CSMD2: variants seen among roughly 807,000 people sequenced by gnomAD.
CSMD2 encodes the protein CUB and sushi domain-containing protein 2.
A neutral mutation model predicts 398.5 loss-of-function variants in CSMD2; 130 were observed. That is an observed-to-expected ratio of 0.33 (90% CI 0.28 to 0.38). The LOEUF (loss-of-function observed/expected upper bound fraction) is 0.38. CSMD2 is among the 10% of genes least tolerant of loss of function. The probability of loss-of-function intolerance (pLI) is 1.00; values close to 1 mark genes in which losing one functional copy is unlikely to be tolerated. For synonymous variants in CSMD2, 1,828 were observed against 1,908.5 expected, an observed-to-expected ratio of 0.96 and a Z score of 1.10; for missense variants, 3,829 against 4,764.9, an observed-to-expected ratio of 0.80 and a Z score of 5.78.
chr1:33,813,187 G>A (rs1657055467), intron 9 of CSMD2: 1 of 152,224 alleles, frequency 6.6e-6, no homozygotes, highest in Non-Finnish European at 1.5e-5. Context: ...GAAACATGCT[G>A]AAGGTAATGA....
intron 1 of CSMD2, among the ~76,000 whole-genome samples, chr1:34,111,571 C>T (rs1390766176): frequency 6.6e-6 from 1 of 152,190 alleles, no homozygotes; most frequent in African/African-American, 2.4e-5. Context: ...TTGGTCCTTG[C>T]GTTATTTCTG....
chr1:33,640,629 T>C (rs1181994755), intron 29 of CSMD2, among the ~76,000 whole-genome samples: 1 of 152,196 alleles, frequency 6.6e-6, no homozygotes, highest in African/African-American at 2.4e-5. Flanking sequence ...ATACAGACTT[T>C]ACATTACTTT....
chr1:33,634,122 T>G (rs1332036276), intron 31 of CSMD2, among the ~76,000 whole-genome samples: 1 of 152,212 alleles, frequency 6.6e-6, no homozygotes, highest in East Asian at 1.9e-4. Flanking sequence ...CCTGCAGGTC[T>G]GAGGCCCCTG....
intron 12 of CSMD2, among the ~76,000 whole-genome samples, chr1:33,785,584 G>A (rs1055397132): frequency 6.6e-6 from 1 of 152,192 alleles, no homozygotes; most frequent in Admixed American, 6.5e-5. Flanking sequence ...TCAAGCCAGT[G>A]GTTAGCTATG....
intron 1 of CSMD2, among the ~76,000 whole-genome samples, chr1:34,145,378 C>T (rs985071245): frequency 5.3e-5 from 8 of 152,220 alleles, no homozygotes; most frequent in African/African-American, 1.9e-4. Context: ...ATGCCTGCTT[C>T]TTTGAGTGGC....
At chr1:33,947,606 T>C (rs1644877760) in intron 3 of CSMD2, among the ~76,000 whole-genome samples, 1 of 152,088 alleles carries the variant, frequency 6.6e-6, no homozygotes, top group Non-Finnish European at 1.5e-5. Flanking sequence ...CAAGAAGAGT[T>C]AGACAGAGGG....
intron 37 of CSMD2, among the ~76,000 whole-genome samples, chr1:33,621,886 A>C (rs1203087369): frequency 1.3e-5 from 2 of 152,226 alleles, no homozygotes; most frequent in Non-Finnish European, 2.9e-5. Context: ...CTTACATCCC[A>C]ATTATATACT....
intron 25 of CSMD2, among the ~76,000 whole-genome samples, chr1:33,687,577 T>C (rs1164091885): frequency 2.6e-5 from 4 of 152,028 alleles, no homozygotes; most frequent in African/African-American, 7.2e-5. Flanking sequence ...AAAAGCAATA[T>C]AGAAGCATAA....
chr1:33,524,998 T>A lies in CSMD2; in HGVS notation c.10280A>T (p.Tyr3427Phe). The change falls in exon 66 of 71, where the codon TAT becomes TTT. Residue 3427 changes from tyrosine (Y) to phenylalanine (F), a missense_variant. Transcript: ENST00000373381. ...TGGCTGCTTCTTCCCCTGGTATTCA[T>A]AGGCCCCTTTCCACAGGGAATTCTT... ...FAKNSLWKGAYEYQGKKQPAM... is the reference protein window; with the variant it reads ...FAKNSLWKGAFEYQGKKQPAM... The A allele has an allele frequency of 6.2e-7, 1 of 1,614,240 alleles. No homozygotes were observed. Among genetic ancestry groups the A allele is most frequent in the Non-Finnish European group, 8.5e-7 (1 of 1,180,036 alleles).
intron 2 of CSMD2, among the ~76,000 whole-genome samples, chr1:34,062,092 G>A (rs1325941429): frequency 6.6e-6 from 1 of 152,182 alleles, no homozygotes; most frequent in Non-Finnish European, 1.5e-5. Flanking sequence ...AGTCCAGCAG[G>A]ATACATGTGG....
Position 33,572,492 on chromosome 1 carries a change from G to A in CSMD2, c.7762+14C>T. 1 of 1,561,044 alleles carries A rather than the reference G, an allele frequency of 6.4e-7. No individual in the cohort carries two copies. The highest frequency in any genetic ancestry group is 1.2e-5 in the South Asian group (1 of 84,828). ...GCCCTTCCTTACACCCGCCTCCATT[G>A]CCCGAGGACTCACGGACACACTGTG... On this transcript the variant is annotated intron_variant, in intron 50 of 70. Coordinates refer to ENST00000373381, the MANE Select transcript of CSMD2 (RefSeq NM_001281956.2).
chr1:33,629,886 G>A (rs1271384031), intron 32 of CSMD2, among the ~76,000 whole-genome samples: 2 of 152,032 alleles, frequency 1.3e-5, no homozygotes, highest in Non-Finnish European at 2.9e-5. Flanking sequence ...GGGATTACAG[G>A]CACCCACGAC....
At chr1:33,902,908 G>A in intron 5 of CSMD2, among the ~76,000 whole-genome samples, 1 of 152,266 alleles carries the variant, frequency 6.6e-6, no homozygotes. Flanking sequence ...CTCCTGGTGG[G>A]ACAGGTTGCT....
chr1:34,049,697 G>A (rs766611050), intron 2 of CSMD2, among the ~76,000 whole-genome samples: 3 of 152,150 alleles, frequency 2.0e-5, no homozygotes, highest in African/African-American at 7.2e-5. Context: ...AAACAAGTGA[G>A]GTATCACTTC....
chr1:33,740,183 C>T (rs1376130660), intron 14 of CSMD2, among the ~76,000 whole-genome samples: 3 of 152,122 alleles, frequency 2.0e-5, no homozygotes, highest in African/African-American at 7.2e-5. Flanking sequence ...TCCTTCTTCC[C>T]TCCTCTGCAT....
At chr1:33,754,327 G>T (rs1263873433) in intron 13 of CSMD2, among the ~76,000 whole-genome samples, 1 of 152,052 alleles carries the variant, frequency 6.6e-6, no homozygotes, top group Non-Finnish European at 1.5e-5. Context: ...AAAGAATGTG[G>T]TACCTATCAC....
intron 5 of CSMD2, among the ~76,000 whole-genome samples, chr1:33,887,110 G>GT (rs1319178921): frequency 6.6e-6 from 1 of 151,960 alleles, no homozygotes; most frequent in Non-Finnish European, 1.5e-5. Flanking sequence ...TAAAAGGTCT[G>GT]TTTCCTCGGA....
intron 1 of CSMD2, among the ~76,000 whole-genome samples, chr1:34,110,323 A>G (rs1660949367): frequency 6.6e-6 from 1 of 152,178 alleles, no homozygotes; most frequent in Admixed American, 6.5e-5. Flanking sequence ...CTATCATTCA[A>G]CCCAGCAATC....
chr1:33,616,998 TG>T, intron 38 of CSMD2, 23 bp from the exon 39 acceptor site: 1 of 1,603,642 alleles, frequency 6.2e-7, no homozygotes, highest in Non-Finnish European at 8.5e-7. Context: ...GGAACAGGGA[TG>T]GGCTAGCTGT....
Sources: gnomAD v4.1 joint callset for allele counts (sites outside exome capture counted in the v4.1 genomes callset) on GRCh38, gnomAD v4.1.1 for gene constraint, MANE v1.5 for transcripts, NCBI Gene and HGNC (gene_info 2026-07-23, HGNC 2026-07-21) for gene names.